Variants in GRK1 observed in about 807,000 individuals in gnomAD.
GRK1 encodes G protein-coupled receptor kinase 1.
GRK1 carries 28 observed loss-of-function variants against 41.7 expected under a neutral mutation model. The observed-to-expected ratio is 0.67, with a 90% CI of 0.50 to 0.92. The LOEUF is 0.92. GRK1 is among the 40% of genes least tolerant of loss of function. The pLI is 0.00. For missense variants in GRK1, 703 were observed against 671.2 expected, an observed-to-expected ratio of 1.05 and a Z score of -0.52; for synonymous variants, 327 against 286.7, an observed-to-expected ratio of 1.14 and a Z score of -1.42.
At chr13:113,664,806 C>A (rs186115644), upstream of GRK1, among the ~76,000 whole-genome samples, 1,131 of 152,306 alleles carry the variant, frequency 7.4e-3, 13 homozygotes, top group African/African-American at 0.026. This position sits in a 1 kb window ranked among gnomAD's most constrained non-coding sequence, Gnocchi z 5.4. Flanking sequence ...GGACAGGCAG[C>A]GAGACGTCAG....
intron 4 of GRK1, among the ~76,000 whole-genome samples, chr13:113,723,881 C>T (rs2049873321): frequency 6.6e-6 from 1 of 151,290 alleles, no homozygotes; most frequent in Admixed American, 6.6e-5. Flanking sequence ...TGTCTGTGCA[C>T]ACACGTGTCC....
At chr13:113,653,217 C>T in the GRK1 span, 5 of 1,378,838 alleles carry the variant, frequency 3.6e-6, no homozygotes, top group South Asian at 6.5e-5. Context: ...ACCTCACCTG[C>T]TGCTTCACAC....
Position 113,731,456 on chromosome 13 carries a change from C to T in GRK1, c.1194+113C>T, listed in dbSNP as rs2049937138. On this transcript the variant is annotated intron_variant, in intron 5 of 6. Coordinates refer to ENST00000335678, the MANE Select transcript of GRK1 (RefSeq NM_002929.3). This position sits in a 1 kb window ranked among gnomAD's most constrained non-coding sequence, Gnocchi z 5.6. Reference sequence around the variant, plus strand: ...GCAGACCTGGGAGTTGTTCTGTGGGCCCTGGGGTGGGGAGGGCACAGATTC... The same window carrying T: ...GCAGACCTGGGAGTTGTTCTGTGGGTCCTGGGGTGGGGAGGGCACAGATTC... 2.1e-6 allele frequency: 3 copies of T among 1,428,056 alleles called. No individual in the cohort carries two copies. In the South Asian group the frequency reaches 4.1e-5, roughly 19 times the overall value. The allele number at this position is 1,428,056 out of a possible 1,614,324, so 88.5% of individuals were successfully genotyped here. A position where few individuals can be genotyped will look rare whatever the true frequency, so the allele number is the denominator to read the frequency against.
rs2049959178 is a variant in GRK1, at chr13:113,733,652, CGTGTGTGTGCGT to C, written c.1396+573_1396+584del. On this transcript the variant is annotated intron_variant, in intron 6 of 6. Transcript: ENST00000335678. ...GTGTGTGCTCATGTATGTGTGCATA[CGTGTGTGTGCGT>C]GTGTGCACGTGTGTGCATGTATGTG... Among the ~76,000 whole-genome samples, 7 of 79,628 alleles carry C rather than the reference CGTGTGTGTGCGT, an allele frequency of 8.8e-5. 1 individual carries two copies. Among genetic ancestry groups the C allele is most frequent in the Non-Finnish European group, 1.7e-4 (7 of 41,678 alleles). The allele number at this position is 79,628 out of a possible 152,430, so 52.2% of individuals were successfully genotyped here.
At chr13:113,724,860 G>A (rs558811150) in intron 4 of GRK1, among the ~76,000 whole-genome samples, 1 of 152,366 alleles carries the variant, frequency 6.6e-6, no homozygotes, top group East Asian at 1.9e-4. Context: ...GTGTGAGCGC[G>A]TGGGTGGAAG....
chr13:113,729,462 G>C (rs1284329923), intron 4 of GRK1, among the ~76,000 whole-genome samples: 2 of 152,224 alleles, frequency 1.3e-5, no homozygotes, highest in Non-Finnish European at 2.9e-5. Flanking sequence ...GCAGTGAAGG[G>C]ATCTCGCTAA....
rs1181381655 is a variant in GRK1 at position 113,671,238 on chromosome 13, G to A, written c.828-261G>A. On this transcript the variant is annotated intron_variant, in intron 2 of 6. Transcript: ENST00000335678. The surrounding 1 kb of genome is among the most constrained non-coding windows in gnomAD (Gnocchi z 4.1). ...GGCTGTTTCCTAGCACCTGCGGCCC[G>A]CGCTGGAAAGCAGGCGGACAGGAGA... Among the ~76,000 whole-genome samples, 1 of 152,156 alleles carries A rather than the reference G, an allele frequency of 6.6e-6. No homozygotes were observed. Among genetic ancestry groups the A allele is most frequent in the Non-Finnish European group, 1.5e-5 (1 of 68,028 alleles).
intron 2 of GRK1, among the ~76,000 whole-genome samples, chr13:113,670,105 T>C (rs569915720): frequency 2.6e-5 from 4 of 152,282 alleles, no homozygotes; most frequent in South Asian, 2.1e-4. Context: ...GGACGTGTGA[T>C]GCAGTCGGCG....
intron 4 of GRK1, among the ~76,000 whole-genome samples, chr13:113,729,181 G>T (rs764957263): frequency 6.6e-6 from 1 of 152,172 alleles, no homozygotes; most frequent in Non-Finnish European, 1.5e-5. Context: ...TTCCAGGCAC[G>T]AACCTAGAGT....
At chr13:113,658,722 G>A in the GRK1 span, among the ~76,000 whole-genome samples, 379 of 152,262 alleles carry the variant, frequency 2.5e-3, 2 homozygotes, top group African/African-American at 8.5e-3. Context: ...AGGGGTCCCC[G>A]GGGACTCCTC....
At chr13:113,648,828 A>T in the GRK1 span, 1 of 152,150 alleles carries the variant, frequency 6.6e-6, no homozygotes, top group African/African-American at 2.4e-5. Flanking sequence ...TTTGGTTTTT[A>T]TTTAATTTCT....
At chr13:113,733,565 G>A (rs1038619127) in intron 6 of GRK1, among the ~76,000 whole-genome samples, 2 of 151,572 alleles carry the variant, frequency 1.3e-5, no homozygotes, top group South Asian at 2.1e-4. Context: ...GTGTGTCCAT[G>A]TATGTGTATG....
chr13:113,648,460 C>T, the GRK1 span, among the ~76,000 whole-genome samples: 33 of 152,230 alleles, frequency 2.2e-4, no homozygotes, highest in Admixed American at 8.5e-4. Flanking sequence ...GTGAGACGCC[C>T]GTGGCCTTGC....
At chr13:113,670,228 G>A (rs1333042299) in intron 2 of GRK1, among the ~76,000 whole-genome samples, 1 of 152,086 alleles carries the variant, frequency 6.6e-6, no homozygotes, top group Non-Finnish European at 1.5e-5. Flanking sequence ...GTCCAGCTGG[G>A]GGCCGTGATC....
At chr13:113,729,908 G>A (rs2049921907) in intron 4 of GRK1, among the ~76,000 whole-genome samples, 1 of 142,668 alleles carries the variant, frequency 7.0e-6, no homozygotes, top group African/African-American at 2.7e-5. Flanking sequence ...CCCCGCGGCT[G>A]CACCCAGACC....
At chr13:113,670,633 GC>G (rs1370647776) in intron 2 of GRK1, among the ~76,000 whole-genome samples, 1 of 152,022 alleles carries the variant, frequency 6.6e-6, no homozygotes, top group Non-Finnish European at 1.5e-5. Flanking sequence ...AAGTCACCAC[GC>G]GGAGGGGGCA....
rs372061074 is a variant in GRK1, at chr13:113,668,018, C to A, written c.632C>A (p.Ala211Glu). 3 of 1,611,472 alleles carry A rather than the reference C, an allele frequency of 1.9e-6. No homozygotes were observed. Among genetic ancestry groups the A allele is most frequent in the East Asian group, 2.2e-5 (1 of 44,804 alleles). Residue 211 changes from alanine to glutamate, a missense_variant, in exon 1 of 7, where the codon GCG (alanine) becomes GAG (glutamate). Physicochemically the swap from Ala to Glu is moderately radical, Grantham distance 107. Coordinates refer to ENST00000335678, the MANE Select transcript of GRK1 (RefSeq NM_002929.3). ...GAGGTGTCGGCCTGCCAGATGAAGGCGACCGGCAAGCTGTATGCCTGCAAG... is the reference window on the plus strand; with the variant it reads ...GAGGTGTCGGCCTGCCAGATGAAGGAGACCGGCAAGCTGTATGCCTGCAAG... Reference protein sequence around the residue: ...FGEVSACQMKATGKLYACKKL... With the variant: ...FGEVSACQMKETGKLYACKKL...
chr13:113,649,999 T>TA, the GRK1 span, among the ~76,000 whole-genome samples: 4 of 151,962 alleles, frequency 2.6e-5, no homozygotes, highest in Non-Finnish European at 4.4e-5. This position sits in a 1 kb window ranked among gnomAD's most constrained non-coding sequence, Gnocchi z 4.7. Context: ...CCTTTCTCTA[T>TA]AAAAAATACG....
chr13:113,736,602 C>G lies in GRK1; in HGVS notation c.*1239C>G, dbSNP rs370592404. ...GGTTCCATGGCCTCAGCAGCCGGCT[C>G]AGAGGGAGTGCATCCAAGCCGCAGG... On this transcript the variant is annotated 3_prime_UTR_variant, in exon 7 of 7. Coordinates refer to ENST00000335678, the MANE Select transcript of GRK1 (RefSeq NM_002929.3). 2 of 152,230 alleles carry G rather than the reference C, an allele frequency of 1.3e-5. No homozygotes were observed. The highest frequency in any genetic ancestry group is 4.8e-5 in the African/African-American group (2 of 41,452). The allele number at this position is 152,230 out of a possible 1,614,324, so 9.4% of individuals were successfully genotyped here.
Sources: gnomAD v4.1 joint callset for allele counts (sites outside exome capture counted in the v4.1 genomes callset) on GRCh38, gnomAD v4.1.1 for gene constraint, Gnocchi (gnomAD v3.1) non-coding constraint, MANE v1.5 for transcripts, NCBI Gene and HGNC (gene_info 2026-07-23, HGNC 2026-07-21) for gene names.